NDP: variants seen among roughly 807,000 people sequenced by gnomAD.
NDP encodes the protein norrin cystine knot growth factor NDP.
Under a neutral mutation model 8.4 loss-of-function variants are expected in NDP, and 2 were observed. The observed-to-expected ratio is 0.24, with a 90% confidence interval of 0.10 to 0.75. The LOEUF (loss-of-function observed/expected upper bound fraction) is 0.75. NDP is among the 30% of genes least tolerant of loss of function. The probability of loss-of-function intolerance (pLI) is 0.73; values close to 1 mark genes in which losing one functional copy is unlikely to be tolerated. For missense variants in NDP, 81 were observed against 110.1 expected, an observed-to-expected ratio of 0.74 and a Z score of 1.18; for synonymous variants, 55 against 45.6, an observed-to-expected ratio of 1.21 and a Z score of -0.83.
Position 43,949,865 on chromosome X carries a change from C to T in NDP, c.336G>A (p.Gly112=), listed in dbSNP as rs1377624685. The change falls in exon 3 of 3, where the codon GGG becomes GGA. Residue 112 remains glycine, a synonymous_variant. Coordinates refer to ENST00000642620, the MANE Select transcript of NDP (RefSeq NM_000266.4). The stretch of plus-strand genomic sequence containing the variant: ...GGTAGGTGGCAGTGAGTCGCATGCC[C>T]CCTGAGCATCGCAGCCGCAGTGCCT... The part of the protein sequence containing the change: ...KLKALRLRCS[G]GMRLTATYRY... The T allele has an allele frequency of 2.5e-6, 3 of 1,191,921 alleles. No homozygotes were observed. The highest frequency in any genetic ancestry group is 4.6e-5 in the Admixed American group (2 of 43,123).
At chrX:43,965,252 A>C (rs1414151510) in intron 1 of NDP, among the ~76,000 whole-genome samples, 3 of 109,834 alleles carry the variant, frequency 2.7e-5, no homozygotes, top group Non-Finnish European at 5.7e-5. Context: ...TCATCTCTAC[A>C]AAAATAATAA....
intron 1 of NDP, among the ~76,000 whole-genome samples, chrX:43,968,541 A>T (rs757551275): frequency 3.3e-4 from 37 of 112,644 alleles, no homozygotes; most frequent in Admixed American, 1.3e-3. Flanking sequence ...TTCTCCTGAA[A>T]TTAAACACAG....
At chrX:43,956,067 T>C (rs2035791202) in intron 2 of NDP, among the ~76,000 whole-genome samples, 1 of 111,566 alleles carries the variant, frequency 9.0e-6, no homozygotes, top group Admixed American at 9.5e-5. Flanking sequence ...TATCAAGCAA[T>C]CTAATTATTT....
chrX:43,962,183 G>T (rs2035829958), intron 1 of NDP, among the ~76,000 whole-genome samples: 1 of 110,796 alleles, frequency 9.0e-6, no homozygotes, highest in Non-Finnish European at 1.9e-5. Flanking sequence ...AAATAAGAAT[G>T]TAAGCAACAA....
intron 1 of NDP, among the ~76,000 whole-genome samples, chrX:43,971,611 A>C (rs988782843): frequency 2.7e-5 from 3 of 111,740 alleles, no homozygotes; most frequent in African/African-American, 9.8e-5. Context: ...TTGTGTTCAA[A>C]TACTCTCATG....
At chrX:43,962,026 G>T (rs1385240108) in intron 1 of NDP, among the ~76,000 whole-genome samples, 1 of 112,204 alleles carries the variant, frequency 8.9e-6, no homozygotes, top group Admixed American at 9.5e-5. Flanking sequence ...TCTCTTTAGA[G>T]ATGGTGAGCT....
intron 1 of NDP, among the ~76,000 whole-genome samples, chrX:43,972,721 T>A (rs2035898192): frequency 8.9e-6 from 1 of 111,874 alleles, no homozygotes; most frequent in Admixed American, 9.4e-5. Context: ...GAAAGAAGAG[T>A]GCAAGGGAGC....
chrX:43,966,831 G>A (rs766129507), intron 1 of NDP, among the ~76,000 whole-genome samples: 25 of 111,381 alleles, frequency 2.2e-4, no homozygotes, highest in African/African-American at 7.8e-4. Context: ...CTCCTCACCC[G>A]CAACAACACT....
intron 2 of NDP, among the ~76,000 whole-genome samples, chrX:43,951,821 A>C (rs1386772749): frequency 8.9e-6 from 1 of 112,150 alleles, no homozygotes; most frequent in Non-Finnish European, 1.9e-5. Flanking sequence ...GGGAAGAATA[A>C]GTTGGACTAG....
intron 1 of NDP, among the ~76,000 whole-genome samples, chrX:43,961,800 G>A (rs751632543): frequency 3.0e-4 from 33 of 110,722 alleles, no homozygotes; most frequent in African/African-American, 9.8e-4. Context: ...TTATAATTAC[G>A]GGAAGGCATG....
intron 1 of NDP, among the ~76,000 whole-genome samples, chrX:43,970,585 G>A (rs1423003689): frequency 9.0e-6 from 1 of 111,422 alleles, no homozygotes; most frequent in East Asian, 2.8e-4. Flanking sequence ...AAGCAACACT[G>A]TGTGGCTATG....
chrX:43,958,442 A>G lies in NDP; in HGVS notation c.174+30T>C, dbSNP rs1429660328. ...GGCTTCTTGCCTGTTTCTGAGGGAA[A>G]TGCTCTCCTCACAGAGACCTTGGTC... On this transcript the variant is annotated intron_variant, in intron 2 of 2. Transcript: ENST00000642620. 5 of 1,198,210 alleles carry G rather than the reference A, an allele frequency of 4.2e-6. No homozygotes were observed. The African/African-American group carries it at 7.0e-5, about 17-fold the overall frequency.
chrX:43,963,207 T>C lies in NDP; in HGVS notation c.-207-4355A>G, dbSNP rs1569246541. ...ACAAATATTTTTTAACATGTATTTA[T>C]TGAGCACCTACTGTGTGTCTCCTTT... On this transcript the variant is annotated intron_variant, in intron 1 of 2. Transcript: ENST00000642620. 3.6e-5 allele frequency among the ~76,000 whole-genome samples: 4 copies of C among 112,251 alleles called. No individual in the cohort carries two copies. The South Asian group carries it at 1.5e-3, about 41-fold the overall frequency.
intron 1 of NDP, among the ~76,000 whole-genome samples, chrX:43,959,653 T>G (rs1380858248): frequency 8.9e-6 from 1 of 111,871 alleles, no homozygotes; most frequent in Non-Finnish European, 1.9e-5. Flanking sequence ...TGACCATACC[T>G]CTTGGACAAA....
At position 43,949,587 on chromosome X, in the gene NDP, T is replaced by C; in HGVS notation, c.*212A>G. 2.3e-6 allele frequency: 1 copy of C among 437,082 alleles called. No individual in the cohort carries two copies. Among genetic ancestry groups the C allele is most frequent in the Non-Finnish European group, 4.0e-6 (1 of 250,174 alleles). 36.0% of individuals were successfully genotyped at this position (437,082 alleles called of 1,213,427 possible). Reference sequence around the variant, plus strand: ...TCTGAAAATGAACCAAAAGAAATTGTACCAGAGAAAGGAGATGGGAACTGC... The same window carrying C: ...TCTGAAAATGAACCAAAAGAAATTGCACCAGAGAAAGGAGATGGGAACTGC... On this transcript the variant is annotated 3_prime_UTR_variant, in exon 3 of 3. Coordinates refer to ENST00000642620, the MANE Select transcript of NDP (RefSeq NM_000266.4).
Position 43,958,452 on chromosome X carries a change from CA to C in NDP, c.174+19del, listed in dbSNP as rs2035808037. 1 of 1,206,185 alleles carries C rather than the reference CA, an allele frequency of 8.3e-7. No homozygotes were observed. Among genetic ancestry groups the C allele is most frequent in the African/African-American group, 1.7e-5 (1 of 57,589 alleles). On this transcript the variant is annotated intron_variant, in intron 2 of 2. Coordinates refer to ENST00000642620, the MANE Select transcript of NDP (RefSeq NM_000266.4). ...CTGTTTCTGAGGGAAATGCTCTCCTCACAGAGACCTTGGTCTTACCTTTGAG... is the reference window on the plus strand; with the variant it reads ...CTGTTTCTGAGGGAAATGCTCTCCTCCAGAGACCTTGGTCTTACCTTTGAG...
chrX:43,965,898 C>T (rs181427966), intron 1 of NDP, among the ~76,000 whole-genome samples: 3 of 111,532 alleles, frequency 2.7e-5, no homozygotes, highest in Admixed American at 1.9e-4. Context: ...CTGAGACTTA[C>T]GTCTAAAAGA....
Position 43,949,838 on chromosome X carries a change from C to A in NDP, c.363G>T (p.Arg121=), listed in dbSNP as rs1232013505. ...SGGMRLTATY[R]YILSCHCEEC... is the part of the protein sequence containing the mutation. ...CCTCGCAGTGACAGGAGAGGATGTACCGGTAGGTGGCAGTGAGTCGCATGC... is the reference window on the plus strand; with the variant it reads ...CCTCGCAGTGACAGGAGAGGATGTAACGGTAGGTGGCAGTGAGTCGCATGC... Residue 121 remains arginine (R), a synonymous_variant, in exon 3 of 3, where the codon CGG becomes CGT. Transcript: ENST00000642620. 1.4e-5 allele frequency: 16 copies of A among 1,185,066 alleles called. No homozygotes were observed. The highest frequency in any genetic ancestry group is 1.8e-5 in the Non-Finnish European group (16 of 882,651).
chrX:43,969,998 G>T (rs1049145265), intron 1 of NDP, among the ~76,000 whole-genome samples: 5 of 112,086 alleles, frequency 4.5e-5, no homozygotes, highest in African/African-American at 1.6e-4. Context: ...TAGATTATGC[G>T]AAAGAAAGAA....
Sources: allele counts gnomAD v4.1 joint callset (sites outside exome capture counted in the v4.1 genomes callset), GRCh38; gene constraint gnomAD v4.1.1; transcripts MANE v1.5; gene names NCBI Gene and HGNC (gene_info 2026-07-23, HGNC 2026-07-21).